Variants in TTC23 observed in about 807,000 individuals in gnomAD.
TTC23 encodes the protein tetratricopeptide repeat protein 23.
In TTC23, 58 loss-of-function variants were observed where a neutral mutation model predicts 55.1. That is an observed-to-expected ratio of 1.05 (90% confidence interval 0.85 to 1.31). TTC23 has a LOEUF of 1.31. Ranked by LOEUF, TTC23 falls within the 50% of genes most tolerant of loss-of-function variation. The pLI, the probability that TTC23 is intolerant of heterozygous loss-of-function variation, is 0.00. For missense variants in TTC23, 516 were observed against 534.4 expected, an observed-to-expected ratio of 0.97 and a Z score of 0.34; for synonymous variants, 203 against 199.9, an observed-to-expected ratio of 1.02 and a Z score of -0.13.
At position 99,229,228 on chromosome 15, in the gene TTC23, C is replaced by T. The variant is rs116068318; in HGVS notation, c.-20-496G>A. On this transcript the variant is annotated intron_variant, in intron 4 of 13. Coordinates refer to ENST00000394132, the MANE Select transcript of TTC23 (RefSeq NM_001288615.3). ...ACCCCAGATTAAATCAGCTGAAGCC[C>T]AATTGACCCTGAGGTAGAAAATAAA... Among the ~76,000 whole-genome samples, 424 of 152,176 alleles carry T rather than the reference C, an allele frequency of 2.8e-3. 4 individuals carry two copies. Among genetic ancestry groups the T allele is most frequent in the African/African-American group, 9.5e-3 (394 of 41,508 alleles).
intron 9 of TTC23, 142 bp from the exon 10 acceptor site, chr15:99,175,297 A>T (rs151179826): frequency 0.012 from 7,789 of 674,304 alleles, 66 homozygotes; most frequent in Non-Finnish European, 0.015. Flanking sequence ...AGTGAAATCA[A>T]CTCGCAGGAA....
intron 4 of TTC23, among the ~76,000 whole-genome samples, chr15:99,231,816 G>C (rs1286748346): frequency 6.7e-6 from 1 of 150,276 alleles, no homozygotes; most frequent in African/African-American, 2.5e-5. Context: ...TTTTGAGACG[G>C]AGTTTCACTG....
intron 6 of TTC23, among the ~76,000 whole-genome samples, chr15:99,219,377 A>C (rs187715879): frequency 3.0e-4 from 45 of 152,352 alleles, no homozygotes; most frequent in African/African-American, 1.1e-3. Context: ...CAAGAACTAT[A>C]GCATTCTGAG....
rs1437529781 is a variant in TTC23 at position 99,223,059 on chromosome 15, T to TG, written c.181-1196dup. The stretch of plus-strand genomic sequence containing the variant: ...ATTTGATACTCCTTCCATTCAGAGA[T>TG]GGGGGTCTATGTCCCATTCCCTTTG... On this transcript the variant is annotated intron_variant, in intron 5 of 13. Coordinates refer to ENST00000394132, the MANE Select transcript of TTC23 (RefSeq NM_001288615.3). 2.6e-5 allele frequency among the ~76,000 whole-genome samples: 4 copies of TG among 152,330 alleles called. No individual in the cohort carries two copies. In the East Asian group the frequency reaches 7.7e-4, roughly 29 times the overall value.
chr15:99,192,479 G>A (rs2151971573), intron 9 of TTC23, among the ~76,000 whole-genome samples: 1 of 152,368 alleles, frequency 6.6e-6, no homozygotes, highest in South Asian at 2.1e-4. Flanking sequence ...AGCTTGGGCT[G>A]TGGCTTCAGA....
chr15:99,183,044 T>C (rs1324553532), intron 9 of TTC23, among the ~76,000 whole-genome samples: 2 of 152,148 alleles, frequency 1.3e-5, no homozygotes, highest in African/African-American at 4.8e-5. Flanking sequence ...TTGGAAAAGT[T>C]TGGAGAACTC....
intron 1 of TTC23, among the ~76,000 whole-genome samples, chr15:99,247,206 TAC>T (rs2080324690): frequency 6.6e-6 from 1 of 152,080 alleles, no homozygotes; most frequent in Admixed American, 6.6e-5. Context: ...GGAACCCTCA[TAC>T]ACTCTGGTGG....
At chr15:99,151,564 G>A (rs1318273180) in intron 12 of TTC23, among the ~76,000 whole-genome samples, 1 of 152,248 alleles carries the variant, frequency 6.6e-6, no homozygotes, top group East Asian at 1.9e-4. Context: ...AGGCTCAGCT[G>A]CATCCTGCCG....
chr15:99,227,939 G>A (rs770400992), intron 5 of TTC23, among the ~76,000 whole-genome samples: 3 of 152,084 alleles, frequency 2.0e-5, no homozygotes, highest in Non-Finnish European at 2.9e-5. Context: ...TATGTCACTC[G>A]AGCTCTCACA....
intron 13 of TTC23, among the ~76,000 whole-genome samples, chr15:99,138,880 C>T (rs533095708): frequency 5.3e-5 from 8 of 152,330 alleles, no homozygotes; most frequent in Non-Finnish European, 7.3e-5. Context: ...AGGCCCTCCA[C>T]GGCAGAGCGC....
chr15:99,185,555 G>C (rs186946452), intron 9 of TTC23, among the ~76,000 whole-genome samples: 1 of 152,202 alleles, frequency 6.6e-6, no homozygotes, highest in African/African-American at 2.4e-5. Flanking sequence ...CTGAAAAAGA[G>C]GGATATGCAA....
chr15:99,190,925 G>T (rs2075200114), intron 9 of TTC23, among the ~76,000 whole-genome samples: 1 of 152,078 alleles, frequency 6.6e-6, no homozygotes, highest in African/African-American at 2.4e-5. Context: ...GAGACTACAG[G>T]TGTGCATCAT....
chr15:99,156,310 C>T lies in TTC23; in HGVS notation c.994-13G>A. On this transcript the variant is annotated splice_polypyrimidine_tract_variant and intron_variant, in intron 11 of 13. Transcript: ENST00000394132. ...TCGAGGTTGCTCTCTGTGAAAGGAA[C>T]AAAAAGCTATCTGGTTAACAAGCTC... The T allele has an allele frequency of 1.6e-5, 26 of 1,611,060 alleles. No homozygotes were observed. The highest frequency in any genetic ancestry group is 2.2e-5 in the Non-Finnish European group (26 of 1,178,648).
At chr15:99,249,923 G>A (rs1034185072), upstream of TTC23, 8 of 152,084 alleles carry the variant, frequency 5.3e-5, no homozygotes. Context: ...GGGAGGAGGT[G>A]AAGGTTATTT....
At chr15:99,204,158 T>C (rs893006609) in intron 8 of TTC23, among the ~76,000 whole-genome samples, 93 of 152,316 alleles carry the variant, frequency 6.1e-4, no homozygotes, top group African/African-American at 2.2e-3. Context: ...CCAGCATCCA[T>C]TACTGCCTTT....
intron 9 of TTC23, among the ~76,000 whole-genome samples, chr15:99,191,307 G>A (rs1482885257): frequency 1.3e-5 from 2 of 152,170 alleles, no homozygotes; most frequent in Non-Finnish European, 2.9e-5. Context: ...GTACTCTGTG[G>A]AACACAGTGT....
At chr15:99,238,395 A>T (rs1474660212) in intron 3 of TTC23, among the ~76,000 whole-genome samples, 1 of 152,188 alleles carries the variant, frequency 6.6e-6, no homozygotes, top group Non-Finnish European at 1.5e-5. Context: ...AAAAAAGATC[A>T]GGTACACATT....
At chr15:99,162,973 C>CCTG in intron 10 of TTC23, among the ~76,000 whole-genome samples, 1 of 152,118 alleles carries the variant, frequency 6.6e-6, no homozygotes, top group South Asian at 2.1e-4. Context: ...GTCCCAGCTA[C>CCTG]TTGGGAGGCT....
intron 9 of TTC23, among the ~76,000 whole-genome samples, chr15:99,196,885 C>T (rs763233686): frequency 2.6e-5 from 4 of 152,150 alleles, no homozygotes; most frequent in Admixed American, 6.5e-5. Context: ...AAAAGATACC[C>T]ATCTACTGCC....
Sources: allele counts gnomAD v4.1 joint callset (sites outside exome capture counted in the v4.1 genomes callset), GRCh38; gene constraint gnomAD v4.1.1; transcripts MANE v1.5; gene names NCBI Gene and HGNC (gene_info 2026-07-23, HGNC 2026-07-21).